IGSF8: variants seen among roughly 807,000 people sequenced by gnomAD.
IGSF8 encodes the protein CD81 partner 3.
A neutral mutation model predicts 55.5 loss-of-function variants in IGSF8; 46 were observed. That is an observed-to-expected ratio of 0.83 (90% CI 0.65 to 1.06). IGSF8 has a LOEUF of 1.06. Among genes scored for constraint, IGSF8 ranks in the 50% least tolerant of loss-of-function variants. IGSF8 has a pLI of 0.00. For synonymous variants in IGSF8, 314 were observed against 356.1 expected, an observed-to-expected ratio of 0.88 and a Z score of 1.33; for missense variants, 731 against 832.3, an observed-to-expected ratio of 0.88 and a Z score of 1.50.
At chr1:160,096,526 C>CA (rs1422888078) in intron 1 of IGSF8, among the ~76,000 whole-genome samples, 1 of 152,194 alleles carries the variant, frequency 6.6e-6, no homozygotes, top group Non-Finnish European at 1.5e-5. Flanking sequence ...AGTCTGTGGT[C>CA]AAACTCTACC....
chr1:160,093,283 G>C lies in IGSF8; in HGVS notation c.953C>G (p.Pro318Arg). ...TVGPGERRIG[P>R]GEPLELLCNV... ...GCACAGCAGTTCCAAGGGCTCCCCT[G>C]GGCCGATCCGACGTTCACCAGGCCC... is the stretch of plus-strand genomic sequence containing the variant. Residue 318 changes from proline (P) to arginine (R), a missense_variant, in exon 4 of 7, where the codon CCA (proline) becomes CGA (arginine). By Grantham distance (103) the Pro-to-Arg change is moderately radical. Transcript: ENST00000314485. 1.2e-6 allele frequency: 2 copies of C among 1,607,634 alleles called. No homozygotes were observed. The highest frequency in any genetic ancestry group is 1.7e-5 in the Admixed American group (1 of 59,776).
rs763077173 is a variant in IGSF8, at chr1:160,094,023, G to C, written c.591C>G (p.His197Gln). The change falls in exon 3 of 7, where the codon CAC becomes CAG. Residue 197 changes from histidine to glutamine, a missense_variant. His to Gln is a conservative substitution (Grantham distance 24). Transcript: ENST00000314485. This position sits in a 1 kb window ranked among gnomAD's most constrained non-coding sequence, Gnocchi z 4.0. ...LARTSTQKHT[H>Q]LAVSFGRSVP... ...CAGATCGCCCAAAGGACACTGCCAG[G>C]TGTGTGTGCTTCTGTGTGCTTGTCC... The C allele has an allele frequency of 3.1e-6, 5 of 1,614,186 alleles. No individual in the cohort carries two copies. The South Asian group carries it at 3.3e-5, about 11-fold the overall frequency.
rs140220684 is a variant in IGSF8, at chr1:160,093,864, G to C, written c.750C>G (p.Thr250=). 5 of 1,614,184 alleles carry C rather than the reference G, an allele frequency of 3.1e-6. No homozygotes were observed. The highest frequency in any genetic ancestry group is 1.6e-4 in the Middle Eastern group (1 of 6,062). The part of the protein sequence containing the change: ...AGELRLGKEG[T]DRYRMVVGGA... ...CCCCTACTACCATGCGGTACCGATC[G>C]GTCCCTTCCTTGCCCAGACGAAGCT... Residue 250 remains threonine, a synonymous_variant, in exon 3 of 7, where the codon ACC becomes ACG. Coordinates refer to ENST00000314485, the MANE Select transcript of IGSF8 (RefSeq NM_052868.6).
upstream of IGSF8, chr1:160,099,010 C>A (rs1333558452): frequency 7.2e-6 from 1 of 139,574 alleles, no homozygotes; most frequent in Non-Finnish European, 1.6e-5. Flanking sequence ...TCCCCGGGCC[C>A]CGGCCCCGCC....
chr1:160,094,089 C>G lies in IGSF8; in HGVS notation c.525G>C (p.Thr175=). 2 of 1,612,348 alleles carry G rather than the reference C, an allele frequency of 1.2e-6. No individual in the cohort carries two copies. Among genetic ancestry groups the G allele is most frequent in the African/African-American group, 1.3e-5 (1 of 75,080 alleles). The change falls in exon 3 of 7, where the codon ACG becomes ACC. Residue 175 remains threonine (T), a synonymous_variant. Transcript: ENST00000314485. The surrounding 1 kb of genome is among the most constrained non-coding windows in gnomAD (Gnocchi z 4.0). The part of the protein sequence containing the change: ...RQAPTSPPRM[T]VHEGQELALG... ...GTGCCAGCTCCTGCCCCTCATGCAC[C>G]GTCATGCGTGGGGGTGAGGTTGGGG...
At position 160,098,420 on chromosome 1, in the gene IGSF8, AGCAGCAGCAGCGGCAGCGAAGGCG is replaced by A; in HGVS notation, c.29_52del (p.Pro10_Leu17del). The stretch of plus-strand genomic sequence containing the variant: ...GGGGCCTGGCTTACCTAGCATTAGC[AGCAGCAGCAGCGGCAGCGAAGGCG>A]GCAGCAGCGTGGGCCTGAGGGCGCC... On this transcript the variant is annotated inframe_deletion, in exon 1 of 7. Transcript: ENST00000314485. 1.3e-6 allele frequency: 2 copies of A among 1,549,476 alleles called. No homozygotes were observed. The highest frequency in any genetic ancestry group is 1.7e-6 in the Non-Finnish European group (2 of 1,146,210).
At chr1:160,095,936 A>G (rs1357409511) in intron 1 of IGSF8, among the ~76,000 whole-genome samples, 2 of 152,212 alleles carry the variant, frequency 1.3e-5, no homozygotes, top group South Asian at 2.1e-4. Flanking sequence ...CCCCTCCTCC[A>G]GTGCCTGCCA....
chr1:160,094,976 A>G lies in IGSF8; in HGVS notation c.335T>C (p.Leu112Pro). Reference sequence around the variant, plus strand: ...CTGGGCCTGCAGGCGGGCAATCTTGAGCACCACGGCATCACCTTGTAGGCG... The same window carrying G: ...CTGGGCCTGCAGGCGGGCAATCTTGGGCACCACGGCATCACCTTGTAGGCG... Reference protein sequence around the residue: ...VQRLQGDAVVLKIARLQAQDA... With the variant: ...VQRLQGDAVVPKIARLQAQDA... Residue 112 changes from leucine (L) to proline (P), a missense_variant, in exon 2 of 7, where the codon CTC (leucine) becomes CCC (proline). Leu to Pro is a moderately conservative substitution (Grantham distance 98, BLOSUM62 -3). Coordinates refer to ENST00000314485, the MANE Select transcript of IGSF8 (RefSeq NM_052868.6). This position sits in a 1 kb window ranked among gnomAD's most constrained non-coding sequence, Gnocchi z 4.0. 2 of 1,614,048 alleles carry G rather than the reference A, an allele frequency of 1.2e-6. No individual in the cohort carries two copies. The highest frequency in any genetic ancestry group is 1.7e-6 in the Non-Finnish European group (2 of 1,180,034).
chr1:160,095,339 A>G (rs2101964260), intron 1 of IGSF8, 93 bp from the exon 2 acceptor site: 1 of 1,300,828 alleles, frequency 7.7e-7, no homozygotes, highest in East Asian at 2.5e-5. Context: ...CTGCCTACAA[A>G]AGGAAAGGAG....
rs758327705 is a variant in IGSF8 at position 160,093,821 on chromosome 1, C to T, written c.793G>A (p.Ala265Thr). The change falls in exon 3 of 7, where the codon GCA becomes ACA. Residue 265 changes from alanine (A) to threonine (T), a missense_variant. Transcript: ENST00000314485. Reference sequence around the variant, plus strand: ...GCGGCAGTGCAGTGGTAGGTGCCTGCGTCCCCTGCCTGGGCACCCCCTACT... The same window carrying T: ...GCGGCAGTGCAGTGGTAGGTGCCTGTGTCCCCTGCCTGGGCACCCCCTACT... The part of the protein sequence containing the change: ...MVVGGAQAGD[A>T]GTYHCTAAEW... The T allele has an allele frequency of 1.3e-5, 21 of 1,613,830 alleles. No individual in the cohort carries two copies. The highest frequency in any genetic ancestry group is 5.0e-5 in the Admixed American group (3 of 60,008).
rs370836161 is a variant in IGSF8 at position 160,093,015 on chromosome 1, G to A, written c.1221C>T (p.Leu407=). The change falls in exon 4 of 7, where the codon CTC becomes CTT. Residue 407 remains leucine (L), a synonymous_variant. Coordinates refer to ENST00000314485, the MANE Select transcript of IGSF8 (RefSeq NM_052868.6). ...RPGDAGTYRC[L]AKAYVRGSGT... ...CAGACCCTCGAACATAGGCTTTGGCGAGGCAGCGGTAGGTGCCCGCATCAC... is the reference window on the plus strand; with the variant it reads ...CAGACCCTCGAACATAGGCTTTGGCAAGGCAGCGGTAGGTGCCCGCATCAC... 5.3e-5 allele frequency: 86 copies of A among 1,613,994 alleles called. No individual in the cohort carries two copies. Among genetic ancestry groups the A allele is most frequent in the Non-Finnish European group, 6.9e-5 (82 of 1,179,958 alleles).
At position 160,094,289 on chromosome 1, in the gene IGSF8, GTTGTAT is replaced by G. The variant is rs1175393588; in HGVS notation, c.443-124_443-119del. On this transcript the variant is annotated intron_variant, in intron 2 of 6. Coordinates refer to ENST00000314485, the MANE Select transcript of IGSF8 (RefSeq NM_052868.6). The surrounding 1 kb of genome is among the most constrained non-coding windows in gnomAD (Gnocchi z 4.0). Reference sequence around the variant, plus strand: ...AGCTCCCAGAGGGCAAAGATCGCATGTTGTATTATTTCTTCTGTAACTCAGTGGTGC... The same window carrying G: ...AGCTCCCAGAGGGCAAAGATCGCATGTATTTCTTCTGTAACTCAGTGGTGC... 14 of 682,350 alleles carry G rather than the reference GTTGTAT, an allele frequency of 2.1e-5. No individual in the cohort carries two copies. In the South Asian group the frequency reaches 2.1e-4, roughly 10 times the overall value. 42.3% of individuals were successfully genotyped at this position (682,350 alleles called of 1,614,324 possible).
chr1:160,098,380 C>T, intron 1 of IGSF8, 29 bp downstream of exon 1: 8 of 1,552,734 alleles, frequency 5.2e-6, no homozygotes, highest in Non-Finnish European at 7.0e-6. Context: ...CCCGGCAGGG[C>T]CGGGAACCGG....
At chr1:160,093,565 A>T in intron 3 of IGSF8, 145 bp downstream of exon 3, 1 of 797,320 alleles carries the variant, frequency 1.3e-6, no homozygotes. Flanking sequence ...GCCGGGGGAG[A>T]GAAATGCTAG....
chr1:160,093,796 G>A lies in IGSF8; in HGVS notation c.818C>T (p.Ala273Val). The A allele has an allele frequency of 6.2e-7, 1 of 1,614,092 alleles. No individual in the cohort carries two copies. The stretch of plus-strand genomic sequence containing the variant: ...GCCATCAGGATCCTGAATCCACTCA[G>A]CGGCAGTGCAGTGGTAGGTGCCTGC... ...GDAGTYHCTA[A>V]EWIQDPDGSW... The change falls in exon 3 of 7, where the codon GCT becomes GTT. Residue 273 changes from alanine to valine, a missense_variant. Ala to Val is a moderately conservative substitution (Grantham distance 64). Transcript: ENST00000314485.
At position 160,093,327 on chromosome 1, in the gene IGSF8, G is replaced by T; in HGVS notation, c.909C>A (p.Ser303Arg). The T allele has an allele frequency of 6.3e-7, 1 of 1,581,908 alleles. No individual in the cohort carries two copies. The highest frequency in any genetic ancestry group is 1.1e-5 in the South Asian group (1 of 88,710). ...CAGGCCCCACTGTCACTGCCAGCTG[G>T]CTGGCTGAAACACAGGTAGGGGAAG... ...LAHVDVQTLS[S>R]QLAVTVGPGE... The change falls in exon 4 of 7, where the codon AGC (serine) becomes AGA (arginine). Residue 303 changes from serine (S) to arginine (R), a missense_variant. By Grantham distance (110) the Ser-to-Arg change is moderately radical. Coordinates refer to ENST00000314485, the MANE Select transcript of IGSF8 (RefSeq NM_052868.6).
rs1335282538 is a variant in IGSF8 at position 160,094,089 on chromosome 1, C to T, written c.525G>A (p.Thr175=). The T allele has an allele frequency of 4.3e-6, 7 of 1,612,230 alleles. No homozygotes were observed. The highest frequency in any genetic ancestry group is 1.7e-5 in the Admixed American group (1 of 59,996). ...GTGCCAGCTCCTGCCCCTCATGCAC[C>T]GTCATGCGTGGGGGTGAGGTTGGGG... is the stretch of plus-strand genomic sequence containing the variant. ...RQAPTSPPRM[T]VHEGQELALG... Residue 175 remains threonine, a synonymous_variant, in exon 3 of 7, where the codon ACG becomes ACA. Transcript: ENST00000314485. The surrounding 1 kb of genome is among the most constrained non-coding windows in gnomAD (Gnocchi z 4.0).
In IGSF8 at chr1:160,095,043, C is replaced by T. The variant is rs34470104; in HGVS notation, c.268G>A (p.Val90Ile). 8.2e-5 allele frequency: 133 copies of T among 1,614,194 alleles called. No homozygotes were observed. The African/African-American group carries it at 1.6e-3, about 20-fold the overall frequency. ...STKDTQFSYA[V>I]FKSRVVAGEV... ...CCCGCCACCACTCGGGACTTGAAGACAGCATAGGAGAACTGGGTATCCTTG... is the reference window on the plus strand; with the variant it reads ...CCCGCCACCACTCGGGACTTGAAGATAGCATAGGAGAACTGGGTATCCTTG... The change falls in exon 2 of 7, where the codon GTC becomes ATC. Residue 90 changes from valine (V) to isoleucine (I), a missense_variant. By Grantham distance (29) the Val-to-Ile change is conservative. Coordinates refer to ENST00000314485, the MANE Select transcript of IGSF8 (RefSeq NM_052868.6).
intron 1 of IGSF8, 130 bp from the exon 2 acceptor site, chr1:160,095,376 G>A: frequency 1.1e-6 from 1 of 930,276 alleles, no homozygotes; most frequent in Non-Finnish European, 1.6e-6. Context: ...CCACAGCTTG[G>A]ACCCTGTTCT....
Sources: allele counts gnomAD v4.1 joint callset (sites outside exome capture counted in the v4.1 genomes callset), GRCh38; gene constraint gnomAD v4.1.1; non-coding constraint Gnocchi (gnomAD v3.1); transcripts MANE v1.5; gene names NCBI Gene and HGNC (gene_info 2026-07-23, HGNC 2026-07-21).